Variants in RTN4IP1 observed in about 807,000 individuals in gnomAD.
The protein encoded by RTN4IP1 is NAD(P)H oxidoreductase RTN4IP1, mitochondrial.
In RTN4IP1, 32 loss-of-function variants were observed where a neutral mutation model predicts 46.6. That is an observed-to-expected ratio of 0.69 (90% CI 0.52 to 0.92). The LOEUF is 0.92. RTN4IP1 is among the 40% of genes least tolerant of loss of function. The probability of loss-of-function intolerance (pLI) is 0.00; values close to 1 mark genes in which losing one functional copy is unlikely to be tolerated. For synonymous variants in RTN4IP1, 167 were observed against 161.8 expected, an observed-to-expected ratio of 1.03 and a Z score of -0.24; for missense variants, 424 against 485.8, an observed-to-expected ratio of 0.87 and a Z score of 1.20.
chr6:106,599,681 A>G (rs1448817498), intron 5 of RTN4IP1, among the ~76,000 whole-genome samples: 1 of 151,974 alleles, frequency 6.6e-6, no homozygotes, highest in African/African-American at 2.4e-5. Context: ...CAATTTACTT[A>G]CTCATTTTAC....
At chr6:106,627,812 G>A (rs1776687318) in intron 1 of RTN4IP1, among the ~76,000 whole-genome samples, 1 of 134,830 alleles carries the variant, frequency 7.4e-6, no homozygotes, top group African/African-American at 2.8e-5. Context: ...GAGTGCAAGG[G>A]CGCGTTCTTG....
chr6:106,577,442 T>C (rs1199637616), intron 8 of RTN4IP1, among the ~76,000 whole-genome samples: 4 of 73,808 alleles, frequency 5.4e-5, no homozygotes, highest in Non-Finnish European at 7.3e-5. Context: ...AGTGAGACCC[T>C]GTCTCAAAAA....
intron 8 of RTN4IP1, among the ~76,000 whole-genome samples, chr6:106,573,342 T>C (rs1280661929): frequency 6.6e-6 from 1 of 152,226 alleles, no homozygotes; most frequent in Non-Finnish European, 1.5e-5. Context: ...CGCTTTCCTT[T>C]TACAAGAGGA....
intron 8 of RTN4IP1, among the ~76,000 whole-genome samples, chr6:106,575,234 G>C (rs1268666081): frequency 3.9e-5 from 6 of 152,192 alleles, no homozygotes; most frequent in African/African-American, 1.4e-4. Context: ...AAGCGGGCAG[G>C]CTCAACACCA....
At position 106,607,036 on chromosome 6, in the gene RTN4IP1, C is replaced by T. The variant is rs77170386; in HGVS notation, c.621-4114G>A. 3.1e-3 allele frequency among the ~76,000 whole-genome samples: 479 copies of T among 152,190 alleles called. 11 individuals carry two copies. In the East Asian group the frequency reaches 0.044, roughly 14 times the overall value. On this transcript the variant is annotated intron_variant, in intron 4 of 8. Coordinates refer to ENST00000369063, the MANE Select transcript of RTN4IP1 (RefSeq NM_032730.5). ...CTACAGTAACCAAAACAACATGGTA[C>T]TGGTATAAAAACAGATACATAGACC...
chr6:106,607,170 A>T (rs1421574290), intron 4 of RTN4IP1, among the ~76,000 whole-genome samples: 1 of 152,174 alleles, frequency 6.6e-6, no homozygotes, highest in Non-Finnish European at 1.5e-5. Flanking sequence ...TTCTTCAATA[A>T]ATGGTGCTGG....
chr6:106,584,264 G>A (rs1409798195), intron 7 of RTN4IP1, among the ~76,000 whole-genome samples: 2 of 152,162 alleles, frequency 1.3e-5, no homozygotes, highest in African/African-American at 4.8e-5. Context: ...TATGTCAAAG[G>A]TAGGGTAGGC....
chr6:106,590,001 G>A (rs948927121), intron 6 of RTN4IP1, among the ~76,000 whole-genome samples: 9 of 152,102 alleles, frequency 5.9e-5, no homozygotes, highest in Non-Finnish European at 8.8e-5. Context: ...CTACTCTCTG[G>A]TGACAAATTC....
chr6:106,577,767 G>A (rs1032055586), intron 8 of RTN4IP1, among the ~76,000 whole-genome samples: 1 of 152,100 alleles, frequency 6.6e-6, no homozygotes, highest in Non-Finnish European at 1.5e-5. Context: ...AAGGCAGGAG[G>A]GTTAGAGGTC....
intron 5 of RTN4IP1, 100 bp downstream of exon 5, chr6:106,602,774 C>T: frequency 1.3e-6 from 1 of 750,708 alleles, no homozygotes; most frequent in Admixed American, 2.8e-5. Flanking sequence ...ATTTACCAGA[C>T]CTACCTTTCT....
In RTN4IP1 at chr6:106,587,828, T is replaced by C. The variant is rs1301535660; in HGVS notation, c.841A>G (p.Thr281Ala). 1.2e-6 allele frequency: 2 copies of C among 1,613,620 alleles called. No individual in the cohort carries two copies. Among genetic ancestry groups the C allele is most frequent in the Non-Finnish European group, 1.7e-6 (2 of 1,179,822 alleles). ...AGAAAATCTGGAGCCCATGTTTCAG[T>C]GGATCCGCCAACATTATCAAGGATA... is the stretch of plus-strand genomic sequence containing the variant. ...DFILDNVGGSTETWAPDFLKK... is the reference protein window; with the variant it reads ...DFILDNVGGSAETWAPDFLKK... The change falls in exon 7 of 9, where the codon ACT becomes GCT. Residue 281 changes from threonine (T) to alanine (A), a missense_variant. Coordinates refer to ENST00000369063, the MANE Select transcript of RTN4IP1 (RefSeq NM_032730.5).
intron 4 of RTN4IP1, among the ~76,000 whole-genome samples, chr6:106,604,165 T>C (rs1388034073): frequency 6.6e-6 from 1 of 152,166 alleles, no homozygotes; most frequent in Non-Finnish European, 1.5e-5. Context: ...ACCTTCACCC[T>C]AGTTTCATTT....
chr6:106,585,629 C>A (rs1002399123), intron 7 of RTN4IP1, among the ~76,000 whole-genome samples: 2 of 152,142 alleles, frequency 1.3e-5, no homozygotes, highest in East Asian at 1.9e-4. Context: ...TTATTCCCCC[C>A]CTACCCAGGC....
chr6:106,598,888 G>A (rs971200389), intron 5 of RTN4IP1, among the ~76,000 whole-genome samples: 2 of 151,920 alleles, frequency 1.3e-5, no homozygotes, highest in Non-Finnish European at 2.9e-5. Flanking sequence ...GTGTAAGGAA[G>A]GGATCCATGC....
Position 106,628,835 on chromosome 6 carries a change from T to A in RTN4IP1, c.187A>T (p.Met63Leu), listed in dbSNP as rs765442352. ...KNEVLRFTQN[M>L]MMPIIHYPNE... ...GGATAGTGTATGATAGGCATCATCA[T>A]GTTCTGAGTGAATCGAAGCACTTCA... The change falls in exon 1 of 9, where the codon ATG becomes TTG. Residue 63 changes from methionine (M) to leucine (L), a missense_variant. Physicochemically the swap from Met to Leu is conservative, Grantham distance 15. Coordinates refer to ENST00000369063, the MANE Select transcript of RTN4IP1 (RefSeq NM_032730.5). 6.2e-7 allele frequency: 1 copy of A among 1,614,168 alleles called. No individual in the cohort carries two copies. The highest frequency in any genetic ancestry group is 1.7e-5 in the Admixed American group (1 of 60,030).
At chr6:106,611,077 C>T (rs1468321473) in intron 4 of RTN4IP1, among the ~76,000 whole-genome samples, 2 of 151,824 alleles carry the variant, frequency 1.3e-5, no homozygotes, top group Admixed American at 1.3e-4. Flanking sequence ...ACGAAACATG[C>T]TACAAAACAG....
chr6:106,613,756 A>C (rs12529961), intron 4 of RTN4IP1, among the ~76,000 whole-genome samples: 11,052 of 152,188 alleles, frequency 0.073, 588 homozygotes, highest in East Asian at 0.2. Context: ...TCAACACAGA[A>C]CTTGAATCTG....
chr6:106,607,565 G>T (rs1042983882), intron 4 of RTN4IP1, among the ~76,000 whole-genome samples: 2 of 152,136 alleles, frequency 1.3e-5, no homozygotes, highest in East Asian at 3.9e-4. Flanking sequence ...ACGTGCAAAG[G>T]ATCTGAACAG....
Position 106,571,944 on chromosome 6 carries a change from C to T in RTN4IP1, c.*52G>A. The T allele has an allele frequency of 7.2e-7, 1 of 1,387,940 alleles. No homozygotes were observed. The allele number at this position is 1,387,940 out of a possible 1,614,324, so 86.0% of individuals were successfully genotyped here. ...GGATGGCTAGAAAAAAATTTGGGCT[C>T]ACAGGCACTCACCAAATAAGAACGT... On this transcript the variant is annotated 3_prime_UTR_variant, in exon 9 of 9. Transcript: ENST00000369063.
Sources: allele counts gnomAD v4.1 joint callset (sites outside exome capture counted in the v4.1 genomes callset), GRCh38; gene constraint gnomAD v4.1.1; transcripts MANE v1.5; gene names NCBI Gene and HGNC (gene_info 2026-07-23, HGNC 2026-07-21).